The following CRPPA variants were observed in gnomAD, a reference collection of about 807,000 sequenced individuals.
The protein encoded by CRPPA is CDP-L-ribitol pyrophosphorylase A, also known as D-ribitol-5-phosphate cytidylyltransferase.
A neutral mutation model predicts 52.0 loss-of-function variants in CRPPA; 43 were observed. The ratio of observed to expected loss-of-function variants is 0.83; its 90% confidence interval spans 0.65 to 1.07. The LOEUF is 1.07. Among genes scored for constraint, CRPPA ranks in the 50% least tolerant of loss-of-function variants. The probability of loss-of-function intolerance (pLI) is 0.00; values close to 1 mark genes in which losing one functional copy is unlikely to be tolerated. For synonymous variants in CRPPA, 250 were observed against 203.5 expected, an observed-to-expected ratio of 1.23 and a Z score of -1.94; for missense variants, 629 against 551.7, an observed-to-expected ratio of 1.14 and a Z score of -1.40.
intron 9 of CRPPA, among the ~76,000 whole-genome samples, chr7:16,092,994 T>C (rs1248655548): frequency 6.6e-6 from 1 of 152,164 alleles, no homozygotes; most frequent in African/African-American, 2.4e-5. Context: ...CTCTTCATGG[T>C]TCAACCTAGG....
intron 8 of CRPPA, among the ~76,000 whole-genome samples, chr7:16,253,811 C>G (rs758649313): frequency 9.2e-5 from 14 of 151,910 alleles, no homozygotes; most frequent in African/African-American, 3.1e-4. Context: ...ACCTACAGAA[C>G]GGGAGAAAAT....
In CRPPA at chr7:16,134,459, TG is replaced by T. The variant is rs1176276558; in HGVS notation, c.1252-42661del. ...TGTCTTCCATGAAACTGGTCCCTGG[TG>T]ACAAAAAGGTTGGGGATTGCTGGCA... On this transcript the variant is annotated intron_variant, in intron 9 of 9. Coordinates refer to ENST00000407010, the MANE Select transcript of CRPPA (RefSeq NM_001101426.4). Among the ~76,000 whole-genome samples the T allele has an allele frequency of 1.3e-5, 2 of 152,006 alleles. 1 individual carries two copies. The highest frequency in any genetic ancestry group is 2.9e-5 in the Non-Finnish European group (2 of 68,006).
intron 2 of CRPPA, among the ~76,000 whole-genome samples, chr7:16,398,661 A>G (rs553840566): frequency 6.6e-6 from 1 of 152,122 alleles, no homozygotes; most frequent in Non-Finnish European, 1.5e-5. Flanking sequence ...AAACATGGAC[A>G]GCTTTGTGAC....
chr7:16,406,858 T>C (rs1011029027), intron 1 of CRPPA, among the ~76,000 whole-genome samples: 1 of 152,086 alleles, frequency 6.6e-6, no homozygotes, highest in African/African-American at 2.4e-5. Context: ...GTACCTTAAA[T>C]GGGAGAAACC....
chr7:16,255,305 T>A (rs909058119), intron 8 of CRPPA, among the ~76,000 whole-genome samples: 7 of 152,162 alleles, frequency 4.6e-5, no homozygotes, highest in Non-Finnish European at 2.9e-5. Context: ...CACAAACGAT[T>A]GGAAGAACAT....
chr7:16,176,705 T>C (rs187096009), intron 9 of CRPPA, among the ~76,000 whole-genome samples: 10 of 152,146 alleles, frequency 6.6e-5, no homozygotes, highest in Admixed American at 5.2e-4. Context: ...GCCTCCGCAG[T>C]AGCTGGGACT....
chr7:16,336,520 C>T (rs1158804046), intron 3 of CRPPA, among the ~76,000 whole-genome samples: 7 of 147,762 alleles, frequency 4.7e-5, no homozygotes, highest in Non-Finnish European at 9.0e-5. Context: ...CAAAGCATAC[C>T]ACCACAAAAA....
intron 9 of CRPPA, among the ~76,000 whole-genome samples, chr7:16,129,036 C>T (rs547613490): frequency 7.9e-5 from 12 of 152,098 alleles, no homozygotes; most frequent in Non-Finnish European, 1.2e-4. Context: ...AGCATATGAG[C>T]GAAAGATTCA....
chr7:16,155,380 T>C (rs1427851006), intron 9 of CRPPA, among the ~76,000 whole-genome samples: 1 of 152,182 alleles, frequency 6.6e-6, no homozygotes, highest in Non-Finnish European at 1.5e-5. Flanking sequence ...TATTTGCAGT[T>C]AATTCATGGA....
intron 3 of CRPPA, among the ~76,000 whole-genome samples, chr7:16,320,741 T>C (rs928793224): frequency 6.6e-5 from 10 of 152,172 alleles, no homozygotes; most frequent in African/African-American, 2.2e-4. Flanking sequence ...ATCCGATTTA[T>C]CACCTAAAAC....
intron 8 of CRPPA, among the ~76,000 whole-genome samples, chr7:16,245,958 T>TG (rs1783261405): frequency 6.6e-6 from 1 of 152,086 alleles, no homozygotes; most frequent in South Asian, 2.1e-4. Context: ...CTGTTCACGG[T>TG]GGTGGTTGCT....
intron 3 of CRPPA, among the ~76,000 whole-genome samples, chr7:16,351,613 A>G (rs1162196817): frequency 6.6e-6 from 1 of 152,222 alleles, no homozygotes; most frequent in Non-Finnish European, 1.5e-5. Flanking sequence ...AAGGATATGA[A>G]CAGACACTTC....
rs1055022666 is a variant in CRPPA, at chr7:16,090,616, G to C, written c.*1079C>G. On this transcript the variant is annotated 3_prime_UTR_variant, in exon 10 of 10. Coordinates refer to ENST00000407010, the MANE Select transcript of CRPPA (RefSeq NM_001101426.4). ...CAGGTGCCTGTAATCCCAGCTACTC[G>C]GGAGGCTGAGGGAGGATAATTGCTT... 6.6e-6 allele frequency: 1 copy of C among 151,020 alleles called. No homozygotes were observed. Among genetic ancestry groups the C allele is most frequent in the South Asian group, 2.1e-4 (1 of 4,774 alleles). 9.4% of individuals were successfully genotyped at this position (151,020 alleles called of 1,614,324 possible).
chr7:16,106,786 C>G (rs961614163), intron 9 of CRPPA, among the ~76,000 whole-genome samples: 2 of 152,044 alleles, frequency 1.3e-5, no homozygotes, highest in African/African-American at 4.8e-5. Flanking sequence ...CCCCAATAGT[C>G]TACCTCAAAG....
intron 3 of CRPPA, among the ~76,000 whole-genome samples, chr7:16,337,176 C>T (rs1785704165): frequency 6.6e-6 from 1 of 152,106 alleles, no homozygotes. Flanking sequence ...ATACATTCCT[C>T]TCAAGTGCAC....
At chr7:16,416,299 G>T (rs577733373) in intron 1 of CRPPA, among the ~76,000 whole-genome samples, 1 of 152,208 alleles carries the variant, frequency 6.6e-6, no homozygotes, top group African/African-American at 2.4e-5. Context: ...ATGTTGGTAG[G>T]ATAGCTGGCT....
chr7:16,254,792 G>GAAGGAAAGAAAGAAAGAAA (rs1783573898), intron 8 of CRPPA, among the ~76,000 whole-genome samples: 16 of 101,660 alleles, frequency 1.6e-4, no homozygotes, highest in African/African-American at 6.6e-4. Flanking sequence ...AAAGAAAGAA[G>GAAGGAAAGAAAGAAAGAAA]GAAAGAAAGA....
chr7:16,156,115 CAAAA>C (rs35258024), intron 9 of CRPPA, among the ~76,000 whole-genome samples: 28 of 111,934 alleles, frequency 2.5e-4, no homozygotes, highest in Admixed American at 3.8e-4. Context: ...TATTCAAAAG[CAAAA>C]AAAAAAAAAA....
intron 9 of CRPPA, among the ~76,000 whole-genome samples, chr7:16,177,182 G>C (rs527659267): frequency 6.0e-4 from 91 of 152,166 alleles, no homozygotes; most frequent in Non-Finnish European, 1.1e-3. Context: ...GAAACATGAT[G>C]ACAGAATTTT....
Sources: gnomAD v4.1 joint callset for allele counts (sites outside exome capture counted in the v4.1 genomes callset) on GRCh38, gnomAD v4.1.1 for gene constraint, MANE v1.5 for transcripts, NCBI Gene and HGNC (gene_info 2026-07-23, HGNC 2026-07-21) for gene names.